ZMAT1: variants seen among roughly 807,000 people sequenced by gnomAD.
ZMAT1 encodes zinc finger matrin-type 1, also known as zinc finger matrin-type protein 1.
Under a neutral mutation model 18.5 loss-of-function variants are expected in ZMAT1, and 11 were observed. That is an observed-to-expected ratio of 0.59 (90% CI 0.37 to 0.98). ZMAT1 has a LOEUF of 0.98. ZMAT1 is among the 50% of genes least tolerant of loss of function. The probability of loss-of-function intolerance (pLI) is 0.01; values close to 1 mark genes in which losing one functional copy is unlikely to be tolerated. For synonymous variants in ZMAT1, 211 were observed against 176.4 expected, an observed-to-expected ratio of 1.20 and a Z score of -1.55; for missense variants, 525 against 496.2, an observed-to-expected ratio of 1.06 and a Z score of -0.55.
At chrX:101,886,139 TACAC>T (rs1338705642) in intron 5 of ZMAT1, among the ~76,000 whole-genome samples, 1 of 112,198 alleles carries the variant, frequency 8.9e-6, no homozygotes, top group East Asian at 2.8e-4. Flanking sequence ...GCAGGCACCT[TACAC>T]ATATTATATT....
rs897268760 is a variant in ZMAT1 at position 101,884,687 on chromosome X, T to A, written c.911A>T (p.Glu304Val). Residue 304 changes from glutamate (E) to valine (V), a missense_variant, in exon 6 of 6, where the codon GAG becomes GTG. By Grantham distance (121) the Glu-to-Val change is moderately radical. Coordinates refer to ENST00000651725, the MANE Select transcript of ZMAT1 (RefSeq NM_001394560.1). ...EAKTCFRKME[E>V]SSLETRRYRE... ...GTATCTACGGGTTTCCAAAGAACTCTCTTCCATCTTTCTGAAACAAGTCTT... is the reference window on the plus strand; with the variant it reads ...GTATCTACGGGTTTCCAAAGAACTCACTTCCATCTTTCTGAAACAAGTCTT... 2.6e-5 allele frequency: 31 copies of A among 1,208,872 alleles called. No homozygotes were observed. Among genetic ancestry groups the A allele is most frequent in the Non-Finnish European group, 3.5e-5 (31 of 894,699 alleles).
rs765075949 is a variant in ZMAT1, at chrX:101,884,227, T to C, written c.1371A>G (p.Ile457Met). Residue 457 changes from isoleucine to methionine, a missense_variant, in exon 6 of 6, where the codon ATA becomes ATG. By Grantham distance (10) the Ile-to-Met change is conservative. Coordinates refer to ENST00000651725, the MANE Select transcript of ZMAT1 (RefSeq NM_001394560.1). ...DSFQDELEDY[I>M]KVQKARGLEP... ...CTAGTCCTCTGGCTTTCTGCACTTT[T>C]ATGTAATCTTCAAGTTCATCTTGGA... The C allele has an allele frequency of 6.6e-6, 8 of 1,204,361 alleles. No individual in the cohort carries two copies. In the South Asian group the frequency reaches 1.4e-4, roughly 21 times the overall value.
chrX:101,908,956 A>C (rs1216133001), intron 1 of ZMAT1, among the ~76,000 whole-genome samples: 5 of 109,089 alleles, frequency 4.6e-5, no homozygotes, highest in African/African-American at 1.7e-4. Flanking sequence ...AAGGACTGAA[A>C]TCACCCCTCC....
Position 101,931,867 on chromosome X carries a change from G to A in ZMAT1, c.142C>T (p.Pro48Ser). 2 of 798,898 alleles carry A rather than the reference G, an allele frequency of 2.5e-6. No individual in the cohort carries two copies. Among genetic ancestry groups the A allele is most frequent in the Non-Finnish European group, 3.0e-6 (2 of 671,684 alleles). The allele number at this position is 798,898 out of a possible 1,213,427, so 65.8% of individuals were successfully genotyped here. ...GGGGCGGAGGTGGCGGAGGAGGCAG[G>A]AACAATTACTGCCGCCGCCGCCGCC... ...AAAAAAAVIV[P>S]ASSATSAPAC... The change falls in exon 1 of 6, where the codon CCT (proline) becomes TCT (serine). Residue 48 changes from proline to serine, a missense_variant. Physicochemically the swap from Pro to Ser is moderately conservative, Grantham distance 74. Transcript: ENST00000651725.
chrX:101,904,208 A>G lies in ZMAT1; in HGVS notation c.399+16T>C. 8.7e-7 allele frequency: 1 copy of G among 1,155,095 alleles called. No homozygotes were observed. Among genetic ancestry groups the G allele is most frequent in the African/African-American group, 1.8e-5 (1 of 55,836 alleles). On this transcript the variant is annotated intron_variant, in intron 2 of 5. Transcript: ENST00000651725. ...AAAACCTGCTTTAGACCCTACTTCC[A>G]TTATTTTTAACCTACCTCATAATGT...
chrX:101,887,151 T>A (rs1927024496), intron 4 of ZMAT1: 9 of 619,164 alleles, frequency 1.5e-5, no homozygotes, highest in Non-Finnish European at 1.7e-5. Context: ...ACCTGAAACG[T>A]CCCAAAACAT....
intron 1 of ZMAT1, among the ~76,000 whole-genome samples, chrX:101,919,026 T>C (rs903110446): frequency 9.0e-6 from 1 of 110,768 alleles, no homozygotes; most frequent in African/African-American, 3.3e-5. Flanking sequence ...TGGTCTCTCT[T>C]TTTTTTTAAT....
chrX:101,898,083 A>T lies in ZMAT1; in HGVS notation c.501+36T>A, dbSNP rs762949047. 4.1e-6 allele frequency: 5 copies of T among 1,208,619 alleles called. No homozygotes were observed. In the East Asian group the frequency reaches 1.5e-4, roughly 36 times the overall value. On this transcript the variant is annotated intron_variant, in intron 3 of 5. Coordinates refer to ENST00000651725, the MANE Select transcript of ZMAT1 (RefSeq NM_001394560.1). Reference sequence around the variant, plus strand: ...TCTTGTTAGAAAGATTCAATAACTCAAAGTTTGGATTACAATACCAACACA... The same window carrying T: ...TCTTGTTAGAAAGATTCAATAACTCTAAGTTTGGATTACAATACCAACACA...
intron 2 of ZMAT1, among the ~76,000 whole-genome samples, chrX:101,900,254 CTGTT>C (rs1928127566): frequency 9.6e-6 from 1 of 103,698 alleles, no homozygotes; most frequent in African/African-American, 3.6e-5. Flanking sequence ...TGTAGGTTGT[CTGTT>C]TGCTCTGCTG....
chrX:101,899,101 C>T (rs1033718028), intron 2 of ZMAT1, among the ~76,000 whole-genome samples: 1 of 111,069 alleles, frequency 9.0e-6, no homozygotes, highest in African/African-American at 3.3e-5. Flanking sequence ...CAGCCCTCTA[C>T]TACCTCCCTT....
rs192015450 is a variant in ZMAT1 at position 101,896,684 on chromosome X, T to G, written c.676+1184A>C. ...GCAGGCATGCCTTAGTCCTAAAGTG[T>G]TGAAGCTACAAAGAATGTGGTAAAT... is the stretch of plus-strand genomic sequence containing the variant. On this transcript the variant is annotated intron_variant, in intron 4 of 5. Coordinates refer to ENST00000651725, the MANE Select transcript of ZMAT1 (RefSeq NM_001394560.1). Among the ~76,000 whole-genome samples, 3 of 112,122 alleles carry G rather than the reference T, an allele frequency of 2.7e-5. No individual in the cohort carries two copies. The Admixed American group carries it at 2.8e-4, about 11-fold the overall frequency.
At chrX:101,892,052 C>T (rs183893700) in intron 4 of ZMAT1, among the ~76,000 whole-genome samples, 147 of 110,889 alleles carry the variant, frequency 1.3e-3, no homozygotes, top group African/African-American at 4.6e-3. Flanking sequence ...AGGAGCTTGT[C>T]TGAGAAGTGT....
chrX:101,927,146 T>C (rs1303698054), intron 1 of ZMAT1, among the ~76,000 whole-genome samples: 2 of 112,328 alleles, frequency 1.8e-5, no homozygotes, highest in Non-Finnish European at 3.8e-5. Flanking sequence ...CTTGATTAAA[T>C]AGAATTAAAA....
intron 1 of ZMAT1, among the ~76,000 whole-genome samples, chrX:101,924,776 T>C (rs910112744): frequency 1.8e-5 from 2 of 112,050 alleles, no homozygotes; most frequent in African/African-American, 6.5e-5. Context: ...TTGCCAACTG[T>C]TAACAAATTA....
At position 101,884,019 on chromosome X, in the gene ZMAT1, A is replaced by G. The variant is rs760487467; in HGVS notation, c.1579T>C (p.Leu527=). ...CTCTGTTTGCTATCATGAGCTGGTA[A>G]GCAATGAGGTAACTGGTTTTCCACT... ...QVVENQLPHC[L]PAHDSKQRLD... The change falls in exon 6 of 6, where the codon TTA becomes CTA. Residue 527 remains leucine (L), a synonymous_variant. Coordinates refer to ENST00000651725, the MANE Select transcript of ZMAT1 (RefSeq NM_001394560.1). The G allele has an allele frequency of 1.7e-6, 2 of 1,208,778 alleles. No homozygotes were observed.
intron 1 of ZMAT1, among the ~76,000 whole-genome samples, chrX:101,906,308 T>C (rs768230718): frequency 4.5e-5 from 5 of 111,541 alleles, no homozygotes; most frequent in Non-Finnish European, 7.6e-5. Context: ...ATCTCCAGCA[T>C]TGGACTAGCT....
chrX:101,906,966 C>T (rs1035765963), intron 1 of ZMAT1, among the ~76,000 whole-genome samples: 1 of 111,288 alleles, frequency 9.0e-6, no homozygotes, highest in African/African-American at 3.3e-5. Context: ...CCAGGCAGGA[C>T]CCCTTGGACT....
rs151148157 is a variant in ZMAT1, at chrX:101,884,783, T to C, written c.815A>G (p.Lys272Arg). The change falls in exon 6 of 6, where the codon AAG (lysine) becomes AGG (arginine). Residue 272 changes from lysine to arginine, a missense_variant. Physicochemically the swap from Lys to Arg is conservative, Grantham distance 26. Transcript: ENST00000651725. ...CTCATTTTGGTAAGAGTCTTGTGTC[T>C]TCCTTGAATTCTTCACTAGATTGAT... The part of the protein sequence containing the change: ...IVINLVKNSR[K>R]TQDSYQNECA... 3 of 1,198,675 alleles carry C rather than the reference T, an allele frequency of 2.5e-6. No homozygotes were observed. Among genetic ancestry groups the C allele is most frequent in the Non-Finnish European group, 3.4e-6 (3 of 885,824 alleles).
At chrX:101,921,535 C>A (rs1603284991) in intron 1 of ZMAT1, among the ~76,000 whole-genome samples, 1 of 112,059 alleles carries the variant, frequency 8.9e-6, no homozygotes, top group African/African-American at 3.2e-5. Flanking sequence ...AACACAATCA[C>A]TTTAATACTG....
Sources: allele counts gnomAD v4.1 joint callset (sites outside exome capture counted in the v4.1 genomes callset), GRCh38; gene constraint gnomAD v4.1.1; transcripts MANE v1.5; gene names NCBI Gene and HGNC (gene_info 2026-07-23, HGNC 2026-07-21).